The following OPA3 variants were observed in gnomAD, a reference collection of about 807,000 sequenced individuals.
The protein encoded by OPA3 is optic atrophy 3 protein.
Under a neutral mutation model 4.0 loss-of-function variants are expected in OPA3, and 6 were observed. That is an observed-to-expected ratio of 1.51 (90% confidence interval 0.83 to 2.99). The LOEUF (loss-of-function observed/expected upper bound fraction) is 2.99. Ranked by LOEUF, OPA3 falls within the 30% of genes most tolerant of loss-of-function variation. OPA3 has a pLI of 0.00. For synonymous variants in OPA3, 105 were observed against 117.1 expected, an observed-to-expected ratio of 0.90 and a Z score of 0.67; for missense variants, 235 against 256.2, an observed-to-expected ratio of 0.92 and a Z score of 0.56.
chr19:45,538,298 G>C (rs1969145396), intron 1 of OPA3, among the ~76,000 whole-genome samples: 1 of 152,088 alleles, frequency 6.6e-6, no homozygotes, highest in African/African-American at 2.4e-5. Flanking sequence ...GTGTATGCCT[G>C]TGGTCCCAGC....
intron 1 of OPA3, among the ~76,000 whole-genome samples, chr19:45,539,822 A>G (rs1480508871): frequency 6.6e-6 from 1 of 152,104 alleles, no homozygotes; most frequent in Non-Finnish European, 1.5e-5. Flanking sequence ...CTCCATTTAC[A>G]TTAAATGTCC....
chr19:45,561,470 G>A lies in OPA3; in HGVS notation c.143-7559C>T, dbSNP rs751593885. 9.8e-5 allele frequency among the ~76,000 whole-genome samples: 15 copies of A among 152,286 alleles called. No individual in the cohort carries two copies. In the East Asian group the frequency reaches 1.7e-3, roughly 18 times the overall value. On this transcript the variant is annotated intron_variant, in intron 1 of 1. Transcript: ENST00000263275. ...GTCCACTACTCGATGGTGAAGGGTC[G>A]TCATAAGGACACAGTAGTGACTGCT...
At chr19:45,579,388 T>C (rs1156263571) in intron 1 of OPA3, among the ~76,000 whole-genome samples, 1 of 151,972 alleles carries the variant, frequency 6.6e-6, no homozygotes, top group East Asian at 1.9e-4. Context: ...ACCTGGCTAA[T>C]TTTTGTATTT....
At chr19:45,560,204 A>C (rs886722675) in intron 1 of OPA3, among the ~76,000 whole-genome samples, 4 of 151,370 alleles carry the variant, frequency 2.6e-5, no homozygotes, top group African/African-American at 9.7e-5. Flanking sequence ...TGTCTTCCAT[A>C]CCGGAGAATC....
intron 1 of OPA3, among the ~76,000 whole-genome samples, chr19:45,581,354 T>A (rs1491003401): frequency 1.3e-5 from 2 of 152,102 alleles, no homozygotes; most frequent in African/African-American, 2.4e-5. Context: ...TTGTGTGTGC[T>A]CCTCCCTCTG....
chr19:45,571,340 T>A (rs1332701566), intron 1 of OPA3, among the ~76,000 whole-genome samples: 1 of 151,844 alleles, frequency 6.6e-6, no homozygotes, highest in African/African-American at 2.4e-5. Flanking sequence ...AGAGACGGGG[T>A]TTCTCCATGT....
chr19:45,556,821 G>A (rs1289802773), intron 1 of OPA3, among the ~76,000 whole-genome samples: 4 of 152,184 alleles, frequency 2.6e-5, no homozygotes, highest in African/African-American at 9.7e-5. Flanking sequence ...CTTAGGCCCT[G>A]GGCTTGTGGG....
Position 45,551,596 on chromosome 19 carries a change from C to G in OPA3, c.*1918G>C, listed in dbSNP as rs1247441892. 3.3e-6 allele frequency: 2 copies of G among 605,250 alleles called. No homozygotes were observed. Among genetic ancestry groups the G allele is most frequent in the Non-Finnish European group, 4.1e-6 (2 of 482,692 alleles). 37.5% of individuals were successfully genotyped at this position (605,250 alleles called of 1,614,324 possible). A position where few individuals can be genotyped will look rare whatever the true frequency, so the allele number is the denominator to read the frequency against. Reference sequence around the variant, plus strand: ...CTGTCAGCACCTTGGTTTCAGACTTCTGGACTCCAGAACTGTGTGAATTAA... The same window carrying G: ...CTGTCAGCACCTTGGTTTCAGACTTGTGGACTCCAGAACTGTGTGAATTAA... On this transcript the variant is annotated 3_prime_UTR_variant, in exon 2 of 2. Transcript: ENST00000263275.
rs71338781 is a variant in OPA3 at position 45,559,397 on chromosome 19, CTTTTTTTTTTTTT to C, written c.143-5499_143-5487del. Among the ~76,000 whole-genome samples, 23 of 59,910 alleles carry C rather than the reference CTTTTTTTTTTTTT, an allele frequency of 3.8e-4. No homozygotes were observed. In the Admixed American group the frequency reaches 5.4e-3, roughly 14 times the overall value. 39.3% of individuals were successfully genotyped at this position (59,910 alleles called of 152,430 possible). On this transcript the variant is annotated intron_variant, in intron 1 of 1. Coordinates refer to ENST00000263275, the MANE Select transcript of OPA3 (RefSeq NM_025136.4). Reference sequence around the variant, plus strand: ...CTCTCTTCTTTCCCTCTTTTTCTTTCTTTTTTTTTTTTTTTTTTTTTTGAGATGGAGTCTCGCC... The same window carrying C: ...CTCTCTTCTTTCCCTCTTTTTCTTTCTTTTTTTTTGAGATGGAGTCTCGCC...
At position 45,528,928 on chromosome 19, in the gene OPA3, G is replaced by C. The variant is rs759936639; in HGVS notation, c.*128C>G. On this transcript the variant is annotated 3_prime_UTR_variant, in exon 2 of 2. Coordinates refer to the OPA3 transcript ENST00000323060. ...ATCAGCTCCAGCCCAGGATCTCTCC[G>C]GCGCCCCCGAAGGACTGGGTGGTGT... is the stretch of plus-strand genomic sequence containing the variant. 1.2e-4 allele frequency: 140 copies of C among 1,159,472 alleles called. 1 individual carries two copies. In the South Asian group the frequency reaches 1.2e-3, roughly 10 times the overall value. 71.8% of individuals were successfully genotyped at this position (1,159,472 alleles called of 1,614,324 possible).
At chr19:45,577,014 T>C (rs1969779227) in intron 1 of OPA3, among the ~76,000 whole-genome samples, 1 of 152,196 alleles carries the variant, frequency 6.6e-6, no homozygotes, top group Admixed American at 6.5e-5. Context: ...GCTGGAATTT[T>C]CCTACTGCCC....
chr19:45,574,254 G>A (rs1193113068), intron 1 of OPA3, among the ~76,000 whole-genome samples: 1 of 152,050 alleles, frequency 6.6e-6, no homozygotes, highest in East Asian at 1.9e-4. Flanking sequence ...TATTAGCTGG[G>A]CGTGGTGGCG....
chr19:45,553,694 G>A lies in OPA3; in HGVS notation c.360C>T (p.Asn120=), dbSNP rs1308359391. The change falls in exon 2 of 2, where the codon AAC becomes AAT. Residue 120 remains asparagine (N), a synonymous_variant. Transcript: ENST00000263275. The part of the protein sequence containing the change: ...HKEEEQRAAW[N]ALRDEVGHLA... The stretch of plus-strand genomic sequence containing the variant: ...GGTGGCCCACCTCGTCCCGCAGCGC[G>A]TTCCAGGCAGCACGCTGCTCCTCCT... 2 of 1,606,970 alleles carry A rather than the reference G, an allele frequency of 1.2e-6. No homozygotes were observed. Among genetic ancestry groups the A allele is most frequent in the Non-Finnish European group, 1.7e-6 (2 of 1,178,954 alleles).
chr19:45,541,125 G>A (rs907529950), intron 1 of OPA3, among the ~76,000 whole-genome samples: 103 of 152,152 alleles, frequency 6.8e-4, no homozygotes, highest in Admixed American at 6.5e-3. Context: ...CCAGAAGGCT[G>A]CCATACAATG....
intron 1 of OPA3, among the ~76,000 whole-genome samples, chr19:45,568,027 C>T (rs1685290326): frequency 6.6e-6 from 1 of 152,128 alleles, no homozygotes; most frequent in Non-Finnish European, 1.5e-5. Flanking sequence ...GAGACACAGT[C>T]TCACTCTATC....
At position 45,550,437 on chromosome 19, in the gene OPA3, A is replaced by G. The variant is rs1969315731; in HGVS notation, c.*3077T>C. ...GGATAGAGAGGGTCTCCCACTATCA[A>G]CGCCACCTCTGGGATGGTCTGGGCC... On this transcript the variant is annotated 3_prime_UTR_variant, in exon 2 of 2. Transcript: ENST00000263275. The G allele has an allele frequency of 2.0e-6, 2 of 985,654 alleles. No homozygotes were observed. The highest frequency in any genetic ancestry group is 1.1e-4 in the East Asian group (1 of 8,826). 61.1% of individuals were successfully genotyped at this position (985,654 alleles called of 1,614,324 possible).
At chr19:45,533,320 G>A (rs929446799) in intron 1 of OPA3, among the ~76,000 whole-genome samples, 7 of 151,834 alleles carry the variant, frequency 4.6e-5, no homozygotes, top group African/African-American at 9.7e-5. Context: ...TCAGCCTCCC[G>A]AGTAGCTGGG....
chr19:45,549,324 A>C lies in OPA3; in HGVS notation c.*4190T>G, dbSNP rs192386255. The C allele has an allele frequency of 1.4e-4, 135 of 984,796 alleles. No individual in the cohort carries two copies. In the African/African-American group the frequency reaches 2.1e-3, roughly 15 times the overall value. The allele number at this position is 984,796 out of a possible 1,614,324, so 61.0% of individuals were successfully genotyped here. On this transcript the variant is annotated 3_prime_UTR_variant, in exon 2 of 2. Coordinates refer to ENST00000263275, the MANE Select transcript of OPA3 (RefSeq NM_025136.4). Reference sequence around the variant, plus strand: ...CCACCCCTGACGCCGCAGTGGGGGAAGTAGATGGCCCTGCTGCCCACGATG... The same window carrying C: ...CCACCCCTGACGCCGCAGTGGGGGACGTAGATGGCCCTGCTGCCCACGATG...
chr19:45,572,586 AAT>A (rs1321753037), intron 1 of OPA3, among the ~76,000 whole-genome samples: 76 of 135,646 alleles, frequency 5.6e-4, no homozygotes, highest in African/African-American at 1.9e-3. Flanking sequence ...TATGTATATA[AAT>A]ATATATATTG....
Sources: allele counts gnomAD v4.1 joint callset (sites outside exome capture counted in the v4.1 genomes callset), GRCh38; gene constraint gnomAD v4.1.1; transcripts MANE v1.5; gene names NCBI Gene and HGNC (gene_info 2026-07-23, HGNC 2026-07-21).